The following FBXL7 variants were observed in gnomAD, a reference collection of about 807,000 sequenced individuals.
FBXL7 encodes F-box and leucine rich repeat protein 7, also known as F-box/LRR-repeat protein 7.
A neutral mutation model predicts 38.3 loss-of-function variants in FBXL7; 12 were observed. The observed-to-expected ratio is 0.31, with a 90% confidence interval of 0.20 to 0.51. The LOEUF is 0.51. Ranked by LOEUF, FBXL7 falls within the 20% of genes least tolerant of loss-of-function variation. The pLI is 0.98. For missense variants in FBXL7, 567 were observed against 676.4 expected, an observed-to-expected ratio of 0.84 and a Z score of 1.79; for synonymous variants, 297 against 300.9, an observed-to-expected ratio of 0.99 and a Z score of 0.13.
chr5:15,502,866 C>G (rs1360430703), intron 1 of FBXL7, among the ~76,000 whole-genome samples: 1 of 152,094 alleles, frequency 6.6e-6, no homozygotes, highest in African/African-American at 2.4e-5. Flanking sequence ...AAAGCAACCC[C>G]TAGACATAGT....
At chr5:15,701,224 A>G (rs960602137) in intron 2 of FBXL7, among the ~76,000 whole-genome samples, 1 of 152,196 alleles carries the variant, frequency 6.6e-6, no homozygotes, top group Non-Finnish European at 1.5e-5. Flanking sequence ...AAGACCGACT[A>G]CTTTCTGTGT....
intron 2 of FBXL7, among the ~76,000 whole-genome samples, chr5:15,886,515 A>G (rs1474555794): frequency 6.6e-6 from 1 of 152,140 alleles, no homozygotes; most frequent in African/African-American, 2.4e-5. Context: ...TTAAAAAGCA[A>G]CCCCAATGTA....
chr5:15,738,437 T>C (rs1735812428), intron 2 of FBXL7, among the ~76,000 whole-genome samples: 1 of 152,220 alleles, frequency 6.6e-6, no homozygotes, highest in Admixed American at 6.5e-5. Flanking sequence ...TGTGGTATGT[T>C]AGCTTTACTG....
intron 2 of FBXL7, among the ~76,000 whole-genome samples, chr5:15,743,637 GT>G (rs1200214560): frequency 6.6e-6 from 1 of 152,210 alleles, no homozygotes; most frequent in Non-Finnish European, 1.5e-5. Flanking sequence ...CTGGAGGATG[GT>G]GACCCTTTTC....
chr5:15,624,963 CTT>C (rs1283949331), intron 2 of FBXL7, among the ~76,000 whole-genome samples: 1 of 150,942 alleles, frequency 6.6e-6, no homozygotes, highest in South Asian at 2.1e-4. Context: ...CACTTGATCT[CTT>C]TGCACATGCC....
At chr5:15,776,282 T>C (rs1230778495) in intron 2 of FBXL7, among the ~76,000 whole-genome samples, 1 of 152,110 alleles carries the variant, frequency 6.6e-6, no homozygotes, top group Non-Finnish European at 1.5e-5. Flanking sequence ...AGTTTTAACC[T>C]ATTTGCTGTT....
chr5:15,847,416 T>C (rs1431182809), intron 2 of FBXL7, among the ~76,000 whole-genome samples: 2 of 152,142 alleles, frequency 1.3e-5, no homozygotes, highest in South Asian at 2.1e-4. Context: ...ACCACCCCCA[T>C]GATTTGATTA....
rs182209775 is a variant in FBXL7 at position 15,742,908 on chromosome 5, T to A, written c.127+126836T>A. 1.5e-3 allele frequency among the ~76,000 whole-genome samples: 228 copies of A among 152,112 alleles called. 1 individual carries two copies. The highest frequency in any genetic ancestry group is 6.8e-3 in the Middle Eastern group (2 of 294). On this transcript the variant is annotated intron_variant, in intron 2 of 3. Transcript: ENST00000504595. ...TTCACATGGCGGCAGCAAGGAGAAGTACAGAGTGAAGCGAGGGAAAAACCC... is the reference window on the plus strand; with the variant it reads ...TTCACATGGCGGCAGCAAGGAGAAGAACAGAGTGAAGCGAGGGAAAAACCC...
intron 2 of FBXL7, among the ~76,000 whole-genome samples, chr5:15,898,371 C>G (rs1364157818): frequency 6.6e-6 from 1 of 152,026 alleles, no homozygotes; most frequent in Non-Finnish European, 1.5e-5. Context: ...CACCAAAAAC[C>G]TGGTAGTGAT....
intron 2 of FBXL7, among the ~76,000 whole-genome samples, chr5:15,682,369 C>T (rs1012417334): frequency 6.6e-6 from 1 of 152,144 alleles, no homozygotes; most frequent in Non-Finnish European, 1.5e-5. Flanking sequence ...GGAAATGTGG[C>T]CTTAGGGTGT....
At chr5:15,576,360 G>A (rs112374251) in intron 1 of FBXL7, among the ~76,000 whole-genome samples, 22,080 of 151,838 alleles carry the variant, frequency 0.15, 1,666 homozygotes, top group South Asian at 0.23. Context: ...CTGGGATTAC[G>A]GGCATGAGCC....
chr5:15,510,336 G>T (rs1736761395), intron 1 of FBXL7, among the ~76,000 whole-genome samples: 1 of 152,308 alleles, frequency 6.6e-6, no homozygotes, highest in South Asian at 2.1e-4. Context: ...TTGTGGATTG[G>T]CCCTTTTGCT....
At chr5:15,748,730 TC>T (rs1736078931) in intron 2 of FBXL7, among the ~76,000 whole-genome samples, 1 of 152,102 alleles carries the variant, frequency 6.6e-6, no homozygotes, top group Non-Finnish European at 1.5e-5. Flanking sequence ...TTTGATAGGG[TC>T]TCGCTCTGTC....
intron 2 of FBXL7, among the ~76,000 whole-genome samples, chr5:15,666,852 C>T (rs1322855438): frequency 6.6e-6 from 1 of 152,142 alleles, no homozygotes; most frequent in African/African-American, 2.4e-5. Context: ...AGTGAGATGG[C>T]TCTGTCTTTG....
At chr5:15,512,726 ACT>A (rs1211533726) in intron 1 of FBXL7, among the ~76,000 whole-genome samples, 3 of 152,040 alleles carry the variant, frequency 2.0e-5, no homozygotes, top group Non-Finnish European at 4.4e-5. Context: ...GTTGCTGAAG[ACT>A]CTTCAGCCTC....
intron 2 of FBXL7, among the ~76,000 whole-genome samples, chr5:15,765,936 C>T (rs756286457): frequency 6.6e-6 from 1 of 152,242 alleles, no homozygotes; most frequent in African/African-American, 2.4e-5. Flanking sequence ...CAGTGTACAG[C>T]GGCTTCCTGG....
intron 2 of FBXL7, among the ~76,000 whole-genome samples, chr5:15,858,345 G>A (rs1254966132): frequency 6.6e-6 from 1 of 151,794 alleles, no homozygotes; most frequent in Non-Finnish European, 1.5e-5. Flanking sequence ...GCTAAGATAA[G>A]GGATTATTCT....
Position 15,703,739 on chromosome 5 carries a change from G to A in FBXL7, c.127+87667G>A, listed in dbSNP as rs777638977. Among the ~76,000 whole-genome samples the A allele has an allele frequency of 1.1e-4, 17 of 152,068 alleles. No homozygotes were observed. The South Asian group carries it at 1.2e-3, about 11-fold the overall frequency. On this transcript the variant is annotated intron_variant, in intron 2 of 3. Transcript: ENST00000504595. ...AAGTGCTAATTTTGAAGGGTGTGAC[G>A]TCTCTGATTCAAAATGGAGTGTTAA...
At chr5:15,734,520 G>A (rs772828080) in intron 2 of FBXL7, among the ~76,000 whole-genome samples, 1 of 152,176 alleles carries the variant, frequency 6.6e-6, no homozygotes, top group South Asian at 2.1e-4. Context: ...AAATGGGAAA[G>A]ATTCTCCCAA....
Sources: gnomAD v4.1 joint callset for allele counts (sites outside exome capture counted in the v4.1 genomes callset) on GRCh38, gnomAD v4.1.1 for gene constraint, MANE v1.5 for transcripts, NCBI Gene and HGNC (gene_info 2026-07-23, HGNC 2026-07-21) for gene names.